The following HIKESHI variants were observed in gnomAD, a reference collection of about 807,000 sequenced individuals.
The protein encoded by HIKESHI is protein Hikeshi.
In HIKESHI, 13 loss-of-function variants were observed where a neutral mutation model predicts 25.7. The ratio of observed to expected loss-of-function variants is 0.51; its 90% CI spans 0.33 to 0.80. HIKESHI has a LOEUF of 0.80. Among genes scored for constraint, HIKESHI ranks in the 30% least tolerant of loss-of-function variants. HIKESHI has a pLI of 0.02. For missense variants in HIKESHI, 174 were observed against 229.5 expected (o/e 0.76, Z 1.56); for synonymous variants, 76 against 78.7 (o/e 0.97, Z 0.18).
intron 2 of HIKESHI, among the ~76,000 whole-genome samples, chr11:86,319,242 A>ATATTTTTTTT (rs1383589741): frequency 4.3e-3 from 405 of 94,894 alleles, no homozygotes; most frequent in East Asian, 0.011. Flanking sequence ...ATATATATAT[A>ATATTTTTTTT]TTTTTTTTTT....
chr11:86,328,472 C>T (rs1296975338), intron 2 of HIKESHI, among the ~76,000 whole-genome samples: 4 of 148,724 alleles, frequency 2.7e-5, no homozygotes, highest in South Asian at 4.2e-4. Flanking sequence ...GGCTCTGTTG[C>T]CGAGGCTGGT....
chr11:86,328,157 A>G (rs1173598878), intron 2 of HIKESHI, among the ~76,000 whole-genome samples: 1 of 152,232 alleles, frequency 6.6e-6, no homozygotes, highest in Non-Finnish European at 1.5e-5. Context: ...CCTGAAATAG[A>G]GCAGGGATTA....
chr11:86,320,448 C>A (rs60116315), intron 2 of HIKESHI, among the ~76,000 whole-genome samples: 13,465 of 152,166 alleles, frequency 0.088, 907 homozygotes, highest in African/African-American at 0.18. Context: ...TGCTGGCAGG[C>A]GCCTGTAATC....
intron 1 of HIKESHI, among the ~76,000 whole-genome samples, chr11:86,305,098 C>T (rs1946588326): frequency 6.6e-6 from 1 of 152,178 alleles, no homozygotes; most frequent in African/African-American, 2.4e-5. Flanking sequence ...ATCCTGGGTT[C>T]AAGTGATTAT....
At chr11:86,327,550 G>A (rs766096244) in intron 2 of HIKESHI, among the ~76,000 whole-genome samples, 19 of 151,966 alleles carry the variant, frequency 1.3e-4, no homozygotes, top group Non-Finnish European at 2.6e-4. Flanking sequence ...TCCTGACCTC[G>A]TGATCCACTC....
At chr11:86,306,774 G>A (rs1024729942) in intron 2 of HIKESHI, among the ~76,000 whole-genome samples, 1 of 151,370 alleles carries the variant, frequency 6.6e-6, no homozygotes, top group African/African-American at 2.4e-5. Context: ...CCTGGCGGGC[G>A]GATCACGAGG....
rs374495582 is a variant in HIKESHI at position 86,315,328 on chromosome 11, C to CTT, written c.268+8856_268+8857dup. Among the ~76,000 whole-genome samples the CTT allele has an allele frequency of 2.0e-3, 297 of 149,124 alleles. 1 individual carries two copies. Among genetic ancestry groups the CTT allele is most frequent in the African/African-American group, 4.4e-3 (180 of 40,714 alleles). ...TGCCCAGGAAAAATAAAATAACTTC[C>CTT]TTTTTTTTTTTGAGTCAGTTTCGCT... On this transcript the variant is annotated intron_variant, in intron 2 of 4. Transcript: ENST00000278483.
At chr11:86,305,175 G>C (rs1593798363) in intron 1 of HIKESHI, among the ~76,000 whole-genome samples, 1 of 150,054 alleles carries the variant, frequency 6.7e-6, no homozygotes, top group Non-Finnish European at 1.5e-5. Context: ...AATTTTTGTA[G>C]TTTTTGTAGA....
chr11:86,325,951 C>G (rs572294611), intron 2 of HIKESHI, among the ~76,000 whole-genome samples: 1 of 151,494 alleles, frequency 6.6e-6, no homozygotes, highest in African/African-American at 2.4e-5. Context: ...AGGTTCCTTA[C>G]AGTTTTGGCT....
intron 2 of HIKESHI, among the ~76,000 whole-genome samples, chr11:86,319,036 C>T (rs1267869628): frequency 1.3e-5 from 2 of 151,878 alleles, no homozygotes; most frequent in African/African-American, 2.4e-5. Context: ...CCTGCCTTAG[C>T]CTCCTGAGTA....
At chr11:86,335,206 G>C (rs2138398505) in intron 2 of HIKESHI, among the ~76,000 whole-genome samples, 2 of 152,188 alleles carry the variant, frequency 1.3e-5, no homozygotes, top group East Asian at 3.9e-4. Context: ...CTTGCTAGAA[G>C]ACTGTTTAAA....
rs140075738 is a variant in HIKESHI, at chr11:86,304,602, C to T, written c.31-1643C>T. Among the ~76,000 whole-genome samples, 49 of 151,400 alleles carry T rather than the reference C, an allele frequency of 3.2e-4. No individual in the cohort carries two copies. In the East Asian group the frequency reaches 8.6e-3, roughly 26 times the overall value. On this transcript the variant is annotated intron_variant, in intron 1 of 4. Coordinates refer to ENST00000278483, the MANE Select transcript of HIKESHI (RefSeq NM_016401.4). ...TGTGATCTCTGCTCATCGCAACCTC[C>T]GCCTCCAGGTTCAAGCAATTCTCAT...
intron 3 of HIKESHI, among the ~76,000 whole-genome samples, chr11:86,338,249 T>G (rs1947622950): frequency 6.6e-6 from 1 of 152,164 alleles, no homozygotes; most frequent in Non-Finnish European, 1.5e-5. Context: ...ACTTTTAGAT[T>G]CCACATATAA....
chr11:86,307,029 A>AT (rs1946645379), intron 2 of HIKESHI, among the ~76,000 whole-genome samples: 2 of 144,934 alleles, frequency 1.4e-5, no homozygotes, highest in South Asian at 2.1e-4. Flanking sequence ...ATATATATAT[A>AT]AATATATATA....
chr11:86,321,045 C>T (rs1168965597), intron 2 of HIKESHI, among the ~76,000 whole-genome samples: 1 of 152,060 alleles, frequency 6.6e-6, no homozygotes, highest in African/African-American at 2.4e-5. Flanking sequence ...AGTGATTCTC[C>T]TGCCTCAGCC....
At chr11:86,317,045 G>A (rs1360409039) in intron 2 of HIKESHI, among the ~76,000 whole-genome samples, 1 of 151,908 alleles carries the variant, frequency 6.6e-6, no homozygotes, top group Non-Finnish European at 1.5e-5. Context: ...ACCCGTCTTG[G>A]CCTCCCAAAG....
intron 2 of HIKESHI, among the ~76,000 whole-genome samples, chr11:86,336,888 G>C (rs1390793139): frequency 6.6e-6 from 1 of 151,572 alleles, no homozygotes; most frequent in East Asian, 1.9e-4. Context: ...TCTCATCAGA[G>C]ACCCCATAGT....
rs1346752435 is a variant in HIKESHI at position 86,325,015 on chromosome 11, CA to C, written c.269-12358del. Among the ~76,000 whole-genome samples the C allele has an allele frequency of 3.3e-5, 5 of 151,668 alleles. No individual in the cohort carries two copies. In the East Asian group the frequency reaches 9.7e-4, roughly 29 times the overall value. Reference sequence around the variant, plus strand: ...GTAACACAGTGAGAATCTGCCTCTACAAAAAATAAAAAACTTAGCCAGGCAT... The same window carrying C: ...GTAACACAGTGAGAATCTGCCTCTACAAAAATAAAAAACTTAGCCAGGCAT... On this transcript the variant is annotated intron_variant, in intron 2 of 4. Coordinates refer to ENST00000278483, the MANE Select transcript of HIKESHI (RefSeq NM_016401.4).
At chr11:86,341,520 G>T in intron 3 of HIKESHI, among the ~76,000 whole-genome samples, 1 of 143,472 alleles carries the variant, frequency 7.0e-6, no homozygotes, top group Admixed American at 7.2e-5. Context: ...TTTGAGACAA[G>T]GTCTTGCTCT....
Sources: allele counts gnomAD v4.1 joint callset (sites outside exome capture counted in the v4.1 genomes callset), GRCh38; gene constraint gnomAD v4.1.1; transcripts MANE v1.5; gene names NCBI Gene and HGNC (gene_info 2026-07-23, HGNC 2026-07-21).